TRRAP: variants seen among roughly 807,000 people sequenced by gnomAD.
TRRAP encodes transformation/transcription domain associated protein.
Under a neutral mutation model 438.8 loss-of-function variants are expected in TRRAP, and 41 were observed. The observed-to-expected ratio is 0.09, with a 90% CI of 0.07 to 0.12. The LOEUF (loss-of-function observed/expected upper bound fraction) is 0.12. TRRAP is among the 10% of genes least tolerant of loss of function. TRRAP has a pLI of 1.00. For synonymous variants in TRRAP, 1,994 were observed against 1,962.9 expected, an observed-to-expected ratio of 1.02 and a Z score of -0.42; for missense variants, 3,122 against 5,055.1, an observed-to-expected ratio of 0.62 and a Z score of 11.60.
At position 98,967,359 on chromosome 7, in the gene TRRAP, T is replaced by G; in HGVS notation, c.7299-126T>G. The stretch of plus-strand genomic sequence containing the variant: ...AATGCTGCATGAGCCTGCCACGATT[T>G]ATAACATACTCTTGGTTTTCATAGT... On this transcript the variant is annotated intron_variant, in intron 50 of 72. Coordinates refer to ENST00000456197, the MANE Select transcript of TRRAP (RefSeq NM_001375524.1). 5 of 1,296,712 alleles carry G rather than the reference T, an allele frequency of 3.9e-6. No homozygotes were observed. In the African/African-American group the frequency reaches 7.3e-5, roughly 19 times the overall value. The allele number at this position is 1,296,712 out of a possible 1,614,324, so 80.3% of individuals were successfully genotyped here.
intron 65 of TRRAP, 129 bp downstream of exon 65, chr7:98,992,356 C>A (rs1793463984): frequency 1.1e-6 from 1 of 902,954 alleles, no homozygotes; most frequent in Admixed American, 1.9e-5. Flanking sequence ...AATCTCTCCT[C>A]AGTGGGCAGC....
chr7:98,959,781 A>T (rs1480113706), intron 45 of TRRAP, among the ~76,000 whole-genome samples: 1 of 152,086 alleles, frequency 6.6e-6, no homozygotes, highest in Non-Finnish European at 1.5e-5. Context: ...ACAGAAAATT[A>T]GCTGGGCATG....
Position 98,965,860 on chromosome 7 carries a change from T to C in TRRAP, c.7141T>C (p.Trp2381Arg), listed in dbSNP as rs1479791769. 6.2e-7 allele frequency: 1 copy of C among 1,614,054 alleles called. No individual in the cohort carries two copies. Among genetic ancestry groups the C allele is most frequent in the Admixed American group, 1.7e-5 (1 of 60,006 alleles). ...GGCTGTGGTCAAAATCGTGGAAGAA[T>C]GGGTCAAGAATAACTCCCCAATGGC... ...LRAVVKIVEE[W>R]VKNNSPMAAN... Residue 2381 changes from tryptophan (W) to arginine (R), a missense_variant, in exon 49 of 73, where the codon TGG (tryptophan) becomes CGG (arginine). Transcript: ENST00000456197.
intron 44 of TRRAP, 130 bp from the exon 45 acceptor site, chr7:98,959,214 G>C: frequency 1.6e-6 from 2 of 1,283,846 alleles, no homozygotes; most frequent in Non-Finnish European, 2.2e-6. Flanking sequence ...TCAGGCGGAA[G>C]AGAGGTGGCT....
intron 47 of TRRAP, 146 bp downstream of exon 47, chr7:98,962,573 C>A: frequency 1.4e-6 from 2 of 1,447,568 alleles, no homozygotes; most frequent in South Asian, 2.6e-5. Context: ...TTGCCTGGGG[C>A]CCTCAAGGCC....
chr7:98,999,511 A>G lies in TRRAP; in HGVS notation c.10309+4663A>G, dbSNP rs955303296. 5.3e-5 allele frequency: 39 copies of G among 736,930 alleles called. No homozygotes were observed. In the Admixed American group the frequency reaches 6.0e-4, roughly 11 times the overall value. The allele number at this position is 736,930 out of a possible 1,614,324, so 45.6% of individuals were successfully genotyped here. A position where few individuals can be genotyped will look rare whatever the true frequency, so the allele number is the denominator to read the frequency against. On this transcript the variant is annotated intron_variant, in intron 67 of 72. Coordinates refer to ENST00000456197, the MANE Select transcript of TRRAP (RefSeq NM_001375524.1). The stretch of plus-strand genomic sequence containing the variant: ...TATCGTGAGCTCAGAGGGAGAGACA[A>G]TATTGGGGTGCACCAGGGTCTCTTG...
In TRRAP at chr7:98,925,226, A is replaced by C. The variant is rs782404363; in HGVS notation, c.2938A>C (p.Asn980His). The change falls in exon 22 of 73, where the codon AAC becomes CAC. Residue 980 changes from asparagine to histidine, a missense_variant. Physicochemically the swap from Asn to His is moderately conservative, Grantham distance 68 (BLOSUM62 1). This residue lies in a region of TRRAP where 133 missense variants were observed against 188.6 expected (regional missense o/e 0.71). Coordinates refer to ENST00000456197, the MANE Select transcript of TRRAP (RefSeq NM_001375524.1). Reference sequence around the variant, plus strand: ...GGTGGCCATGATGAGCCTGGAGGACAACAAGCACGCACTCTACCAGCTCCT... The same window carrying C: ...GGTGGCCATGATGAGCCTGGAGGACCACAAGCACGCACTCTACCAGCTCCT... Reference protein sequence around the residue: ...FLVAMMSLEDNKHALYQLLAH... With the variant: ...FLVAMMSLEDHKHALYQLLAH... The C allele has an allele frequency of 2.5e-6, 4 of 1,614,162 alleles. No individual in the cohort carries two copies.
intron 67 of TRRAP, chr7:98,999,648 A>G (rs1793827813): frequency 2.2e-6 from 2 of 924,420 alleles, no homozygotes; most frequent in East Asian, 4.8e-5. Flanking sequence ...GCAATTTGCC[A>G]CTAAGTGTGA....
intron 51 of TRRAP, among the ~76,000 whole-genome samples, chr7:98,969,792 A>G (rs1792327990): frequency 6.6e-6 from 1 of 152,176 alleles, no homozygotes; most frequent in Non-Finnish European, 1.5e-5. Context: ...AGATGGGTTC[A>G]GGAGGACGAG....
At chr7:98,952,006 T>C (rs1791358580) in intron 39 of TRRAP, among the ~76,000 whole-genome samples, 1 of 152,152 alleles carries the variant, frequency 6.6e-6, no homozygotes, top group Admixed American at 6.5e-5. Context: ...CTGGAGGCTG[T>C]GGATGCAGGT....
At chr7:98,932,214 C>T (rs574793063) in intron 26 of TRRAP, among the ~76,000 whole-genome samples, 49 of 151,904 alleles carry the variant, frequency 3.2e-4, no homozygotes, top group Non-Finnish European at 5.2e-4. Context: ...CCCAGGTTCA[C>T]GCCATTCTCC....
chr7:98,965,768 G>A lies in TRRAP; in HGVS notation c.7049G>A (p.Arg2350Gln), dbSNP rs1197218649. Residue 2350 changes from arginine (R) to glutamine (Q), a missense_variant, in exon 49 of 73, where the codon CGG becomes CAG. Arg to Gln is a conservative substitution (Grantham distance 43, BLOSUM62 1). This residue lies in a region of TRRAP where 992 missense variants were observed against 1,281.2 expected (regional missense o/e 0.77). Coordinates refer to ENST00000456197, the MANE Select transcript of TRRAP (RefSeq NM_001375524.1). ...TRLAVMSMEM[R>Q]KNFIQAILTS... ...CTGGCAGTGATGAGCATGGAGATGCGGAAGAACTTCATCCAGGCCATCCTG... is the reference window on the plus strand; with the variant it reads ...CTGGCAGTGATGAGCATGGAGATGCAGAAGAACTTCATCCAGGCCATCCTG... 1.9e-6 allele frequency: 3 copies of A among 1,613,962 alleles called. No homozygotes were observed. The highest frequency in any genetic ancestry group is 1.1e-5 in the South Asian group (1 of 91,072).
At position 98,927,392 on chromosome 7, in the gene TRRAP, C is replaced by T. The variant is rs373535001; in HGVS notation, c.3175+26C>T. 616 of 1,612,140 alleles carry T rather than the reference C, an allele frequency of 3.8e-4. 2 individuals carry two copies. The Middle Eastern group carries it at 4.1e-3, about 11-fold the overall frequency. On this transcript the variant is annotated intron_variant, in intron 23 of 72. Transcript: ENST00000456197. ...GTGAGCACGGGGGCACGGTGGGGCA[C>T]GGGATTGGTTCTTTGACTTTTATAG...
At chr7:98,938,654 C>A (rs1554414855) in intron 30 of TRRAP, among the ~76,000 whole-genome samples, 1 of 152,190 alleles carries the variant, frequency 6.6e-6, no homozygotes, top group East Asian at 1.9e-4. Context: ...CTGCAGAATA[C>A]CTCATGACAT....
chr7:98,903,060 C>G (rs531142610), intron 11 of TRRAP, among the ~76,000 whole-genome samples: 1 of 152,128 alleles, frequency 6.6e-6, no homozygotes, highest in South Asian at 2.1e-4. Context: ...GAGTCTCACT[C>G]TTTCATGCTG....
chr7:98,899,510 T>G lies in TRRAP; in HGVS notation c.711+11T>G. 1 of 1,614,000 alleles carries G rather than the reference T, an allele frequency of 6.2e-7. No individual in the cohort carries two copies. Among genetic ancestry groups the G allele is most frequent in the Non-Finnish European group, 8.5e-7 (1 of 1,179,870 alleles). The stretch of plus-strand genomic sequence containing the variant: ...GTTTTAATGTATCAGGTATGTGTAT[T>G]GCTCATTAGTCTCTTGGGTTTTGGG... On this transcript the variant is annotated intron_variant, in intron 9 of 72. Coordinates refer to ENST00000456197, the MANE Select transcript of TRRAP (RefSeq NM_001375524.1).
At chr7:98,950,348 T>C (rs1791278477) in intron 38 of TRRAP, 86 bp downstream of exon 38, 3 of 1,472,794 alleles carry the variant, frequency 2.0e-6, no homozygotes, top group Non-Finnish European at 2.8e-6. Context: ...TTTTTTGCTG[T>C]GTCACTCTTG....
At chr7:98,884,770 C>G (rs1260832156) in intron 3 of TRRAP, among the ~76,000 whole-genome samples, 2 of 152,178 alleles carry the variant, frequency 1.3e-5, no homozygotes, top group Non-Finnish European at 2.9e-5. Flanking sequence ...ACCCAGCTTG[C>G]TGAACCCCAG....
rs61132070 is a variant in TRRAP at position 98,997,483 on chromosome 7, C to CAAAAA, written c.10309+2660_10309+2664dup. Reference sequence around the variant, plus strand: ...ATTATCACCCAAAACACTGCTGTTGCAAAAAAAAAAAAAAAAAAAAAAAAA... The same window carrying CAAAAA: ...ATTATCACCCAAAACACTGCTGTTGCAAAAAAAAAAAAAAAAAAAAAAAAAAAAAA... On this transcript the variant is annotated intron_variant, in intron 67 of 72. Coordinates refer to ENST00000456197, the MANE Select transcript of TRRAP (RefSeq NM_001375524.1). Among the ~76,000 whole-genome samples the CAAAAA allele has an allele frequency of 5.2e-4, 22 of 42,622 alleles. 2 individuals are homozygous for CAAAAA. Among genetic ancestry groups the CAAAAA allele is most frequent in the African/African-American group, 1.0e-3 (12 of 11,734 alleles). The allele number at this position is 42,622 out of a possible 152,430, so 28.0% of individuals were successfully genotyped here.
Sources: gnomAD v4.1 joint callset for allele counts (sites outside exome capture counted in the v4.1 genomes callset) on GRCh38, gnomAD v4.1.1 for gene constraint, gnomAD v4.1.1 regional missense constraint, MANE v1.5 for transcripts, NCBI Gene and HGNC (gene_info 2026-07-23, HGNC 2026-07-21) for gene names.